The following CACNA1A variants were observed in gnomAD, a reference collection of about 807,000 sequenced individuals.
The protein encoded by CACNA1A is voltage-dependent P/Q-type calcium channel subunit alpha-1A.
A neutral mutation model predicts 262.4 loss-of-function variants in CACNA1A; 57 were observed. The observed-to-expected ratio is 0.22, with a 90% CI of 0.18 to 0.27. The LOEUF (loss-of-function observed/expected upper bound fraction) is 0.27, where lower values mean the gene tolerates loss of function less well. CACNA1A is among the 10% of genes least tolerant of loss of function. The probability of loss-of-function intolerance (pLI) is 1.00; values close to 1 mark genes in which losing one functional copy is unlikely to be tolerated. For synonymous variants in CACNA1A, 1,431 were observed against 1,419.3 expected (o/e 1.01, Z -0.18); for missense variants, 2,526 against 3,562.8 (o/e 0.71, Z 7.41).
chr19:13,297,740 G>A (rs996567629), intron 19 of CACNA1A, among the ~76,000 whole-genome samples: 2 of 152,042 alleles, frequency 1.3e-5, no homozygotes, highest in Admixed American at 6.5e-5. Context: ...TTGAGCCCGG[G>A]AGGTAGAGGC....
chr19:13,206,460 T>A lies in CACNA1A; in HGVS notation c.*853A>T, dbSNP rs145764460. On this transcript the variant is annotated 3_prime_UTR_variant, in exon 47 of 47. Coordinates refer to ENST00000360228, the MANE Select transcript of CACNA1A (RefSeq NM_001127222.2). ...AAAGCCCTTTGATTCAACTTTTTTT[T>A]ATTTTTTTTTTCTTTTTGAATGTCA... 4.0e-3 allele frequency: 612 copies of A among 152,328 alleles called. 3 individuals are homozygous for A. Among genetic ancestry groups the A allele is most frequent in the Non-Finnish European group, 6.1e-3 (417 of 68,172 alleles). The allele number at this position is 152,328 out of a possible 1,614,324, so 9.4% of individuals were successfully genotyped here.
At chr19:13,307,629 G>C in intron 15 of CACNA1A, 153 bp downstream of exon 15, 1 of 638,946 alleles carries the variant, frequency 1.6e-6, no homozygotes, top group Non-Finnish European at 2.8e-6. Flanking sequence ...CACCATAATT[G>C]AATAATGATA....
At chr19:13,210,723 G>C in intron 43 of CACNA1A, 71 bp from the exon 44 acceptor site, 3 of 1,461,322 alleles carry the variant, frequency 2.1e-6, no homozygotes. Flanking sequence ...AAGGCAAGAG[G>C]GAGAGTGAGG....
chr19:13,465,276 G>A (rs538805979), intron 1 of CACNA1A, among the ~76,000 whole-genome samples: 21 of 152,138 alleles, frequency 1.4e-4, no homozygotes, highest in African/African-American at 3.6e-4. Flanking sequence ...AATACCTACC[G>A]TCATCATAGC....
intron 1 of CACNA1A, among the ~76,000 whole-genome samples, chr19:13,479,478 AG>A (rs1485350112): frequency 8.3e-6 from 1 of 120,384 alleles, no homozygotes; most frequent in Non-Finnish European, 1.9e-5. Context: ...AGACAATGGC[AG>A]GAGCTGGGTG....
Position 13,270,196 on chromosome 19 carries a change from C to G in CACNA1A, c.3989+5654G>C, listed in dbSNP as rs138914449. 3.0e-3 allele frequency among the ~76,000 whole-genome samples: 462 copies of G among 152,212 alleles called. 4 individuals are homozygous for G. The highest frequency in any genetic ancestry group is 9.9e-3 in the African/African-American group (413 of 41,538). On this transcript the variant is annotated intron_variant, in intron 24 of 46. Coordinates refer to ENST00000360228, the MANE Select transcript of CACNA1A (RefSeq NM_001127222.2). ...CACAGTCCCTCTGGGCCGCAGTTTC[C>G]TCATCTAGATGGGAAAAACTGAGGC...
chr19:13,465,768 T>C (rs1417468559), intron 1 of CACNA1A, among the ~76,000 whole-genome samples: 1 of 152,018 alleles, frequency 6.6e-6, no homozygotes, highest in Non-Finnish European at 1.5e-5. Flanking sequence ...GGATTACAGG[T>C]GTAAGCCACT....
At chr19:13,423,046 T>G (rs2060343902) in intron 3 of CACNA1A, among the ~76,000 whole-genome samples, 1 of 152,208 alleles carries the variant, frequency 6.6e-6, no homozygotes, top group Non-Finnish European at 1.5e-5. Context: ...CTGAGAGTGG[T>G]CTTGGAGAAC....
At chr19:13,486,189 C>T (rs4926293) in intron 1 of CACNA1A, among the ~76,000 whole-genome samples, 102,057 of 152,144 alleles carry the variant, frequency 0.67, 34,811 homozygotes, top group African/African-American at 0.8. Context: ...GGTTCCCATA[C>T]AATCTCCAAT....
At chr19:13,221,786 C>G (rs1317009495) in intron 38 of CACNA1A, among the ~76,000 whole-genome samples, 1 of 152,150 alleles carries the variant, frequency 6.6e-6, no homozygotes, top group African/African-American at 2.4e-5. Context: ...TAGAAGCTGC[C>G]TCCAGGAGCC....
intron 6 of CACNA1A, among the ~76,000 whole-genome samples, chr19:13,349,480 G>C (rs1208220462): frequency 6.6e-6 from 1 of 152,186 alleles, no homozygotes; most frequent in Non-Finnish European, 1.5e-5. Context: ...GCTTTTCTGA[G>C]CCACATGGGG....
intron 6 of CACNA1A, among the ~76,000 whole-genome samples, chr19:13,339,437 G>A (rs1043359406): frequency 2.6e-5 from 4 of 152,042 alleles, no homozygotes; most frequent in Non-Finnish European, 5.9e-5. Flanking sequence ...GAAAAGTTTG[G>A]GAGATGGATG....
intron 3 of CACNA1A, among the ~76,000 whole-genome samples, chr19:13,426,194 C>T (rs1460060878): frequency 6.6e-6 from 1 of 152,130 alleles, no homozygotes; most frequent in Non-Finnish European, 1.5e-5. Context: ...AAAGCCATAA[C>T]AATTTTAGAT....
chr19:13,239,478 G>T lies in CACNA1A; in HGVS notation c.4951-3748C>A, dbSNP rs1310137209. ...TGCCTCCCCCACCTGACTGTATGTG[G>T]TAAGAGGGGACAGTAATGGTGTCTG... On this transcript the variant is annotated intron_variant, in intron 31 of 46. Transcript: ENST00000360228. Among the ~76,000 whole-genome samples, 9 of 152,186 alleles carry T rather than the reference G, an allele frequency of 5.9e-5. No homozygotes were observed. The South Asian group carries it at 6.2e-4, about 11-fold the overall frequency.
intron 3 of CACNA1A, among the ~76,000 whole-genome samples, chr19:13,443,304 T>C (rs1188611183): frequency 6.6e-6 from 1 of 152,186 alleles, no homozygotes; most frequent in Admixed American, 6.5e-5. Flanking sequence ...ATGGGAATAA[T>C]AATAGTATTT....
rs372261381 is a variant in CACNA1A at position 13,214,340 on chromosome 19, G to A, written c.5840-7C>T. The A allele has an allele frequency of 2.4e-5, 39 of 1,611,920 alleles. No homozygotes were observed. The African/African-American group carries it at 3.1e-4, about 13-fold the overall frequency. On this transcript the variant is annotated splice_region_variant and splice_polypyrimidine_tract_variant and intron_variant, in intron 39 of 46. Coordinates refer to ENST00000360228, the MANE Select transcript of CACNA1A (RefSeq NM_001127222.2). This position sits in a 1 kb window ranked among gnomAD's most constrained non-coding sequence, Gnocchi z 4.1. Reference sequence around the variant, plus strand: ...CCCACGGTGAGGTCCGTGGCTGGGGGCACACACACGGTGAGCTCACCAAGG... The same window carrying A: ...CCCACGGTGAGGTCCGTGGCTGGGGACACACACACGGTGAGCTCACCAAGG...
At chr19:13,374,835 CTTTGT>C (rs1254955813) in intron 3 of CACNA1A, among the ~76,000 whole-genome samples, 1 of 151,766 alleles carries the variant, frequency 6.6e-6, no homozygotes, top group Admixed American at 6.6e-5. Flanking sequence ...TATAAGCAGG[CTTTGT>C]TTTGTTTTGT....
chr19:13,302,344 T>C (rs1360203201), intron 17 of CACNA1A, among the ~76,000 whole-genome samples: 2 of 152,096 alleles, frequency 1.3e-5, no homozygotes, highest in South Asian at 2.1e-4. Flanking sequence ...GAGGCAGGGA[T>C]TTTTGCCTTT....
intron 30 of CACNA1A, among the ~76,000 whole-genome samples, chr19:13,251,320 A>T (rs1402891719): frequency 3.3e-5 from 5 of 151,846 alleles, no homozygotes; most frequent in African/African-American, 1.2e-4. Flanking sequence ...CATCTCTACT[A>T]AAAATACAAA....
Sources: gnomAD v4.1 joint callset for allele counts (sites outside exome capture counted in the v4.1 genomes callset) on GRCh38, gnomAD v4.1.1 for gene constraint, Gnocchi (gnomAD v3.1) non-coding constraint, MANE v1.5 for transcripts, NCBI Gene and HGNC (gene_info 2026-07-23, HGNC 2026-07-21) for gene names.